The following NEB variants were observed in gnomAD, a reference collection of about 807,000 sequenced individuals.
NEB encodes nemaline myopathy type 2.
In NEB, 512 loss-of-function variants were observed where a neutral mutation model predicts 952.2. That is an observed-to-expected ratio of 0.54 (90% CI 0.50 to 0.58). The LOEUF is 0.58. Ranked by LOEUF, NEB falls within the 20% of genes least tolerant of loss-of-function variation. The pLI is 0.00. For synonymous variants in NEB, 2,900 were observed against 3,149.8 expected (o/e 0.92, Z 2.66); for missense variants, 8,428 against 9,231.1 (o/e 0.91, Z 3.56).
At position 151,650,238 on chromosome 2, in the gene NEB, T is replaced by C. The variant is rs775779155; in HGVS notation, c.7369A>G (p.Thr2457Ala). 19 of 1,613,852 alleles carry C rather than the reference T, an allele frequency of 1.2e-5. No homozygotes were observed. ...ATATCCATGGCATCAGGAATGCTGG[T>C]GAACTTGTTTCTGTCTGGAGGCTGA... ...YRQPPDRNKF[T>A]SIPDAMDIVL... Residue 2457 changes from threonine to alanine, a missense_variant, in exon 54 of 182, where the codon ACC (threonine) becomes GCC (alanine). Thr to Ala is a moderately conservative substitution (Grantham distance 58). Around this residue, in one of 11 missense-constraint regions of NEB, gnomAD observed 1,772 missense variants for 1,960.3 expected, o/e 0.90. Transcript: ENST00000397345.
At chr2:151,651,030 T>A in intron 52 of NEB, 145 bp from the exon 53 acceptor site, 1 of 726,724 alleles carries the variant, frequency 1.4e-6, no homozygotes, top group Non-Finnish European at 2.1e-6. Context: ...CCTACTTTTC[T>A]AGCTTCAGCC....
intron 71 of NEB, among the ~76,000 whole-genome samples, chr2:151,623,987 A>C (rs893012698): frequency 4.6e-5 from 7 of 152,154 alleles, no homozygotes; most frequent in Non-Finnish European, 1.0e-4. Flanking sequence ...TTACTTAAGA[A>C]AACTAAAATA....
intron 151 of NEB, 22 bp downstream of exon 151, chr2:151,525,141 A>G: frequency 6.5e-7 from 1 of 1,542,922 alleles, no homozygotes; most frequent in South Asian, 1.1e-5. Context: ...GGCCCCCAAG[A>G]GTGTTGAGAG....
At chr2:151,667,107 A>G (rs2099228944) in intron 40 of NEB, among the ~76,000 whole-genome samples, 1 of 150,556 alleles carries the variant, frequency 6.6e-6, no homozygotes, top group African/African-American at 2.4e-5. Context: ...CCATGGAAAT[A>G]GAAATACGAA....
chr2:151,695,468 G>A (rs2099589376), intron 18 of NEB, 110 bp downstream of exon 18: 1 of 779,686 alleles, frequency 1.3e-6, no homozygotes. Context: ...AATGTTAACA[G>A]TTCTTCTCAT....
chr2:151,496,539 A>G (rs990612691), intron 172 of NEB, among the ~76,000 whole-genome samples, 171 bp from the exon 173 acceptor site: 5 of 152,184 alleles, frequency 3.3e-5, no homozygotes, highest in Non-Finnish European at 4.4e-5. Context: ...TGTTGTTGGG[A>G]TGGGGAATCT....
chr2:151,541,668 G>A (rs535644664), intron 135 of NEB, 117 bp from the exon 136 acceptor site: 3 of 747,272 alleles, frequency 4.0e-6, no homozygotes, highest in African/African-American at 3.5e-5. Flanking sequence ...TGCAACGATT[G>A]CAGTTTCTTC....
In NEB at chr2:151,491,732, A is replaced by G. The variant is rs1312662699; in HGVS notation, c.25101T>C (p.Tyr8367=). ...WRTNPGSVFD[Y]DPAEDNIQSR... ...ACTGGATGTTGTCTTCTGCTGGATC[A>G]TAGTCAAAAACCGAACCAGGATTAG... The change falls in exon 179 of 182, where the codon TAT becomes TAC. Residue 8367 remains tyrosine (Y), a synonymous_variant. Coordinates refer to ENST00000397345, the MANE Select transcript of NEB (RefSeq NM_001164508.2). 6.3e-7 allele frequency: 1 copy of G among 1,598,310 alleles called. No homozygotes were observed. The highest frequency in any genetic ancestry group is 8.5e-7 in the Non-Finnish European group (1 of 1,171,946).
Position 151,723,436 on chromosome 2 carries a change from A to G in NEB, c.663T>C (p.Tyr221=), listed in dbSNP as rs1426796450. 1 of 1,610,422 alleles carries G rather than the reference A, an allele frequency of 6.2e-7. No individual in the cohort carries two copies. Among genetic ancestry groups the G allele is most frequent in the Non-Finnish European group, 8.5e-7 (1 of 1,178,428 alleles). ...CTCTCCTCAGTTCCGGGCTATCATTATAGGGGTAAAACAAACTTTTGTCTG... is the reference window on the plus strand; with the variant it reads ...CTCTCCTCAGTTCCGGGCTATCATTGTAGGGGTAAAACAAACTTTTGTCTG... The part of the protein sequence containing the change: ...WEADKSLFYP[Y]NDSPELRRVA... Residue 221 remains tyrosine, a synonymous_variant, in exon 9 of 182, where the codon TAT becomes TAC. Transcript: ENST00000397345.
In NEB at chr2:151,639,469, A is replaced by G. The variant is rs971902208; in HGVS notation, c.8890-85T>C. 3.0e-5 allele frequency: 30 copies of G among 996,002 alleles called. No individual in the cohort carries two copies. In the Admixed American group the frequency reaches 7.8e-4, roughly 26 times the overall value. The allele number at this position is 996,002 out of a possible 1,614,324, so 61.7% of individuals were successfully genotyped here. A position where few individuals can be genotyped will look rare whatever the true frequency, so the allele number is the denominator to read the frequency against. ...TTTTAGGGCCACAAAAACTTTATAA[A>G]AAAAAAGAAAAGGTTATGTGTTTTA... On this transcript the variant is annotated intron_variant, in intron 62 of 181. Coordinates refer to ENST00000397345, the MANE Select transcript of NEB (RefSeq NM_001164508.2).
In NEB at chr2:151,727,816, GT is replaced by G; in HGVS notation, c.168del (p.Leu57TrpfsTer26). 1 of 1,599,150 alleles carries G rather than the reference GT, an allele frequency of 6.3e-7. No individual in the cohort carries two copies. Among genetic ancestry groups the G allele is most frequent in the Non-Finnish European group, 8.5e-7 (1 of 1,174,006 alleles). ...ETSKPALAQP[A>X]LAQPASAKPV... ...GGCTTTGCTGATGCTGGCTGTGCCAGTGCTGGCTGTGCCAGAGCTGGTTTGG... is the reference window on the plus strand; with the variant it reads ...GGCTTTGCTGATGCTGGCTGTGCCAGGCTGGCTGTGCCAGAGCTGGTTTGG... On this transcript the variant is annotated frameshift_variant, in exon 5 of 182. Transcript: ENST00000397345. LOFTEE classifies it high-confidence loss of function.
intron 119 of NEB, 70 bp from the exon 120 acceptor site, chr2:151,562,878 A>T (rs74684819): frequency 0.035 from 38,937 of 1,104,274 alleles, 773 homozygotes; most frequent in Non-Finnish European, 0.038. Context: ...TGTCTTTTAG[A>T]TCCTTATTTC....
At position 151,643,843 on chromosome 2, in the gene NEB, C is replaced by A; in HGVS notation, c.7931G>T (p.Arg2644Leu). Residue 2644 changes from arginine to leucine, a missense_variant, in exon 57 of 182, where the codon CGG becomes CTG. This residue lies in a region of NEB where 1,772 missense variants were observed against 1,960.3 expected (regional missense o/e 0.90). Transcript: ENST00000397345. ...LPDQSDVIHA[R>L]QAYDLQSDNL... Reference sequence around the variant, plus strand: ...ATCGCTCTGGAGGTCATAGGCCTGCCGAGCATGGATGACATCGCTCTGGTC... The same window carrying A: ...ATCGCTCTGGAGGTCATAGGCCTGCAGAGCATGGATGACATCGCTCTGGTC... 6.2e-7 allele frequency: 1 copy of A among 1,613,746 alleles called. No homozygotes were observed. The highest frequency in any genetic ancestry group is 8.5e-7 in the Non-Finnish European group (1 of 1,179,676).
chr2:151,668,632 C>CA (rs1206985349), intron 39 of NEB, among the ~76,000 whole-genome samples: 1 of 151,848 alleles, frequency 6.6e-6, no homozygotes, highest in Non-Finnish European at 1.5e-5. Context: ...TAGTTACATA[C>CA]AAAAAAAGAT....
In NEB at chr2:151,570,239, T is replaced by C. The variant is rs541672313; in HGVS notation, c.17272A>G (p.Ile5758Val). The C allele has an allele frequency of 3.4e-5, 55 of 1,613,818 alleles. No homozygotes were observed. In the South Asian group the frequency reaches 4.6e-4, roughly 14 times the overall value. Reference protein sequence around the residue: ...RLDWAKWKAKIQSPVDMLSIL... With the variant: ...RLDWAKWKAKVQSPVDMLSIL... ...GAAAGCATGTCCACAGGGCTCTGGA[T>C]CTTGGCCTTCCATTTGGCCCAGTCC... The change falls in exon 109 of 182, where the codon ATC (isoleucine) becomes GTC (valine). Residue 5758 changes from isoleucine to valine, a missense_variant. Ile to Val is a conservative substitution (Grantham distance 29, BLOSUM62 3). Around this residue, in one of 11 missense-constraint regions of NEB, gnomAD observed 3,374 missense variants for 3,651.5 expected, o/e 0.92. Transcript: ENST00000397345.
Position 151,610,071 on chromosome 2 carries a change from G to T in NEB, c.12068C>A (p.Ala4023Asp). ...YEKQKGHHIG[A>D]QSIEDDPKIM... is the part of the protein sequence containing the mutation. ...CTTGGGATCATCTTCAATGCTCTGG[G>T]CTCCAATGTGGTGGCCTTTCTGTTT... Residue 4023 changes from alanine to aspartate, a missense_variant, in exon 81 of 182, where the codon GCC becomes GAC. By Grantham distance (126) the Ala-to-Asp change is moderately radical (BLOSUM62 -2). Transcript: ENST00000397345. 6.2e-7 allele frequency: 1 copy of T among 1,613,682 alleles called. No homozygotes were observed. Among genetic ancestry groups the T allele is most frequent in the Non-Finnish European group, 8.5e-7 (1 of 1,179,802 alleles).
At position 151,568,319 on chromosome 2, in the gene NEB, G is replaced by C. The variant is rs752534636; in HGVS notation, c.17733C>G (p.Asp5911Glu). 1 of 1,613,004 alleles carries C rather than the reference G, an allele frequency of 6.2e-7. No homozygotes were observed. Among genetic ancestry groups the C allele is most frequent in the East Asian group, 2.2e-5 (1 of 44,858 alleles). ...GGCATGTGGGTGAAACCCATACCTG[G>C]TCCAGTATCCTAGCAGCCTCCTGGG... Reference protein sequence around the residue: ...HTAQEAARILDQYLYKEGWER... With the variant: ...HTAQEAARILEQYLYKEGWER... The change falls in exon 112 of 182, where the codon GAC (aspartate) becomes GAG (glutamate). Residue 5911 changes from aspartate (D) to glutamate (E), a missense_variant. Physicochemically the swap from Asp to Glu is conservative, Grantham distance 45. Around this residue, in one of 11 missense-constraint regions of NEB, gnomAD observed 3,374 missense variants for 3,651.5 expected, o/e 0.92. Transcript: ENST00000397345.
Position 151,627,831 on chromosome 2 carries a change from T to C in NEB, c.9835A>G (p.Lys3279Glu). 1.9e-6 allele frequency: 3 copies of C among 1,612,990 alleles called. No homozygotes were observed. Among genetic ancestry groups the C allele is most frequent in the East Asian group, 4.5e-5 (2 of 44,876 alleles). ...TGCTTGCGGTAACCATCTTTGTATT[T>C]GTACTGAAATAAAGGTGGTCATTTC... is the stretch of plus-strand genomic sequence containing the variant. ...KASRDVISDY[K>E]YKDGYRKQLG... The change falls in exon 69 of 182, where the codon AAA becomes GAA. Residue 3279 changes from lysine (K) to glutamate (E), a missense_variant. Physicochemically the swap from Lys to Glu is moderately conservative, Grantham distance 56 (BLOSUM62 1). Around this residue, in one of 11 missense-constraint regions of NEB, gnomAD observed 1,772 missense variants for 1,960.3 expected, o/e 0.90. Coordinates refer to ENST00000397345, the MANE Select transcript of NEB (RefSeq NM_001164508.2).
intron 129 of NEB, among the ~76,000 whole-genome samples, chr2:151,550,636 ATTATT>A: frequency 6.6e-6 from 1 of 152,042 alleles, no homozygotes; most frequent in Non-Finnish European, 1.5e-5. Flanking sequence ...GAAAAACCAA[ATTATT>A]TTTATTTTAT....
Sources: allele counts gnomAD v4.1 joint callset (sites outside exome capture counted in the v4.1 genomes callset), GRCh38; gene constraint gnomAD v4.1.1; regional missense constraint gnomAD v4.1.1; transcripts MANE v1.5; gene names NCBI Gene and HGNC (gene_info 2026-07-23, HGNC 2026-07-21).